The following USH2A variants were observed in gnomAD, a reference collection of about 807,000 sequenced individuals.
The protein encoded by USH2A is Usher syndrome 2A (autosomal recessive, mild).
Under a neutral mutation model 538.9 loss-of-function variants are expected in USH2A, and 443 were observed. The observed-to-expected ratio is 0.82, with a 90% CI of 0.76 to 0.89. The LOEUF is 0.89. USH2A is among the 40% of genes least tolerant of loss of function. The pLI is 0.00. For synonymous variants in USH2A, 2,413 were observed against 2,273.5 expected (o/e 1.06, Z -1.75); for missense variants, 6,633 against 6,324.8 (o/e 1.05, Z -1.65).
intron 47 of USH2A, among the ~76,000 whole-genome samples, chr1:215,836,548 TATA>T (rs1663532392): frequency 1.1e-4 from 2 of 18,408 alleles, no homozygotes; most frequent in African/African-American, 3.9e-4. Context: ...ATATAATATA[TATA>T]TATATATATA....
At chr1:216,046,081 G>T (rs1189330765) in intron 32 of USH2A, among the ~76,000 whole-genome samples, 1 of 148,596 alleles carries the variant, frequency 6.7e-6, no homozygotes, top group Admixed American at 6.7e-5. Flanking sequence ...GTGAGAGATT[G>T]GTTCCAGGAC....
intron 21 of USH2A, among the ~76,000 whole-genome samples, chr1:216,133,393 G>A (rs889137552): frequency 1.3e-5 from 2 of 152,072 alleles, no homozygotes; most frequent in African/African-American, 4.8e-5. Flanking sequence ...TACCTACAGG[G>A]ATAGCTGAAC....
intron 61 of USH2A, among the ~76,000 whole-genome samples, chr1:215,693,164 G>A (rs1252365731): frequency 1.4e-5 from 2 of 145,194 alleles, no homozygotes; most frequent in African/African-American, 5.1e-5. Context: ...TTTTTTTTGT[G>A]GATACAAGGT....
chr1:215,924,862 A>T (rs1666196785), intron 38 of USH2A, among the ~76,000 whole-genome samples: 1 of 151,998 alleles, frequency 6.6e-6, no homozygotes, highest in Non-Finnish European at 1.5e-5. Flanking sequence ...GTGTATTTCT[A>T]TATAATCCAC....
chr1:215,703,845 G>A (rs1419470139), intron 61 of USH2A, among the ~76,000 whole-genome samples: 3 of 139,948 alleles, frequency 2.1e-5, no homozygotes, highest in Non-Finnish European at 3.2e-5. Context: ...TGGGGTTCCA[G>A]GTGCCACTGG....
intron 40 of USH2A, among the ~76,000 whole-genome samples, 183 bp from the exon 41 acceptor site, chr1:215,889,237 G>A (rs78938417): frequency 2.2e-4 from 33 of 152,222 alleles, no homozygotes; most frequent in Non-Finnish European, 4.4e-4. Context: ...TAAATTTTGC[G>A]TGTGAAATAC....
intron 21 of USH2A, among the ~76,000 whole-genome samples, chr1:216,140,065 T>C (rs1384016927): frequency 1.3e-5 from 2 of 152,236 alleles, no homozygotes; most frequent in Admixed American, 1.3e-4. Flanking sequence ...AATAAAATAG[T>C]AAGATTATCT....
At chr1:215,790,832 C>T (rs1237463236) in intron 50 of USH2A, among the ~76,000 whole-genome samples, 1 of 152,128 alleles carries the variant, frequency 6.6e-6, no homozygotes, top group Non-Finnish European at 1.5e-5. Flanking sequence ...CAATGGTAAC[C>T]ATGTTTTCTG....
chr1:215,944,663 T>C (rs1339376565), intron 37 of USH2A, among the ~76,000 whole-genome samples: 1 of 152,172 alleles, frequency 6.6e-6, no homozygotes, highest in African/African-American at 2.4e-5. Flanking sequence ...GTGCCTGGCT[T>C]ATATGGCTTA....
At chr1:216,002,222 T>C (rs927271986) in intron 32 of USH2A, among the ~76,000 whole-genome samples, 1 of 152,150 alleles carries the variant, frequency 6.6e-6, no homozygotes, top group Non-Finnish European at 1.5e-5. Context: ...TATTATTTAC[T>C]GAGAGAAAAC....
chr1:215,688,147 T>C (rs1658494359), intron 61 of USH2A, among the ~76,000 whole-genome samples: 1 of 151,738 alleles, frequency 6.6e-6, no homozygotes, highest in South Asian at 2.1e-4. Context: ...TAGGCAAGAG[T>C]GCAGAAAAAC....
At chr1:216,194,780 T>C (rs1245362047) in intron 19 of USH2A, among the ~76,000 whole-genome samples, 1 of 152,098 alleles carries the variant, frequency 6.6e-6, no homozygotes, top group Non-Finnish European at 1.5e-5. Context: ...TATTCCACAT[T>C]TGAGAATACT....
In USH2A at chr1:216,032,382, G is replaced by A. The variant is rs544295042; in HGVS notation, c.6325+14049C>T. Among the ~76,000 whole-genome samples, 8 of 152,180 alleles carry A rather than the reference G, an allele frequency of 5.3e-5. 1 individual carries two copies. The South Asian group carries it at 1.7e-3, about 32-fold the overall frequency. On this transcript the variant is annotated intron_variant, in intron 32 of 71. Coordinates refer to ENST00000307340, the MANE Select transcript of USH2A (RefSeq NM_206933.4). Reference sequence around the variant, plus strand: ...TTTTTATACTAAATCCCTAAAGTAGGTACTGTTGTTACCATTCTACCAGGA... The same window carrying A: ...TTTTTATACTAAATCCCTAAAGTAGATACTGTTGTTACCATTCTACCAGGA...
intron 67 of USH2A, among the ~76,000 whole-genome samples, chr1:215,644,007 T>C (rs1351173655): frequency 2.0e-5 from 3 of 152,234 alleles, no homozygotes; most frequent in Non-Finnish European, 4.4e-5. Flanking sequence ...TTTAGCAAAA[T>C]TGGCTTCTGG....
intron 12 of USH2A, among the ~76,000 whole-genome samples, chr1:216,250,545 T>C (rs903032770): frequency 3.3e-5 from 5 of 152,202 alleles, no homozygotes; most frequent in African/African-American, 1.2e-4. Flanking sequence ...ATGGAAATGA[T>C]TTGCTTAGAA....
chr1:215,956,882 G>A (rs1299901520), intron 37 of USH2A, among the ~76,000 whole-genome samples: 1 of 152,046 alleles, frequency 6.6e-6, no homozygotes, highest in Admixed American at 6.6e-5. Flanking sequence ...TAGCTTTATT[G>A]GCCATGACAT....
chr1:215,932,195 C>T lies in USH2A; in HGVS notation c.7300+2421G>A, dbSNP rs116021584. The stretch of plus-strand genomic sequence containing the variant: ...TCTAATATTGAAATCAAGGAAATGG[C>T]AATAATGATAACAATCCAACTATAA... On this transcript the variant is annotated intron_variant, in intron 38 of 71. Coordinates refer to ENST00000307340, the MANE Select transcript of USH2A (RefSeq NM_206933.4). Among the ~76,000 whole-genome samples, 396 of 151,980 alleles carry T rather than the reference C, an allele frequency of 2.6e-3. 3 individuals carry two copies. Among genetic ancestry groups the T allele is most frequent in the African/African-American group, 8.7e-3 (362 of 41,498 alleles).
At position 215,623,713 on chromosome 1, in the gene USH2A, A is replaced by C. The variant is rs184633110; in HGVS notation, c.*2068T>G. On this transcript the variant is annotated 3_prime_UTR_variant, in exon 72 of 72. Transcript: ENST00000307340. ...CATGTCTAATTAGATGATTAAATGG[A>C]TAATGATCCAAGATAAAATCCCCTG... 6 of 152,262 alleles carry C rather than the reference A, an allele frequency of 3.9e-5. 1 individual carries two copies. Among genetic ancestry groups the C allele is most frequent in the African/African-American group, 1.4e-4 (6 of 41,570 alleles). 9.4% of individuals were successfully genotyped at this position (152,262 alleles called of 1,614,324 possible).
intron 9 of USH2A, among the ~76,000 whole-genome samples, chr1:216,296,042 T>C (rs532674036): frequency 1.3e-5 from 2 of 152,096 alleles, no homozygotes; most frequent in East Asian, 3.9e-4. Flanking sequence ...AACATAAGAA[T>C]GTAGTTGTCC....
Sources: allele counts gnomAD v4.1 joint callset (sites outside exome capture counted in the v4.1 genomes callset), GRCh38; gene constraint gnomAD v4.1.1; transcripts MANE v1.5; gene names NCBI Gene and HGNC (gene_info 2026-07-23, HGNC 2026-07-21).